The following ZNF385B variants were observed in gnomAD, a reference collection of about 807,000 sequenced individuals.
The protein encoded by ZNF385B is zinc finger protein 385B.
Under a neutral mutation model 39.2 loss-of-function variants are expected in ZNF385B, and 23 were observed. The ratio of observed to expected loss-of-function variants is 0.59; its 90% confidence interval spans 0.42 to 0.83. ZNF385B has a LOEUF of 0.83. Ranked by LOEUF, ZNF385B falls within the 40% of genes least tolerant of loss-of-function variation. The pLI, the probability that ZNF385B is intolerant of heterozygous loss-of-function variation, is 0.00. For missense variants in ZNF385B, 552 were observed against 598.9 expected, an observed-to-expected ratio of 0.92 and a Z score of 0.82; for synonymous variants, 205 against 222.6, an observed-to-expected ratio of 0.92 and a Z score of 0.70.
intron 1 of ZNF385B, among the ~76,000 whole-genome samples, chr2:179,784,311 T>C (rs934653503): frequency 2.0e-5 from 3 of 151,996 alleles, no homozygotes; most frequent in African/African-American, 7.2e-5. Flanking sequence ...CACTCGGGTC[T>C]ACTTTAGGGG....
Position 179,564,903 on chromosome 2 carries a change from T to C in ZNF385B, c.299-19934A>G, listed in dbSNP as rs1312187724. On this transcript the variant is annotated intron_variant, in intron 3 of 9. Coordinates refer to ENST00000410066, the MANE Select transcript of ZNF385B (RefSeq NM_152520.6). ...CCCTCACCTCACTCCCTAAAGGATA[T>C]TTCTTCTCTGCTGGTCTTTACTTCC... Among the ~76,000 whole-genome samples the C allele has an allele frequency of 6.6e-5, 10 of 152,150 alleles. 1 individual carries two copies. In the South Asian group the frequency reaches 1.9e-3, roughly 28 times the overall value.
At chr2:179,634,007 G>C (rs1691488165) in intron 3 of ZNF385B, among the ~76,000 whole-genome samples, 1 of 152,194 alleles carries the variant, frequency 6.6e-6, no homozygotes, top group African/African-American at 2.4e-5. Context: ...CTAGCCATAT[G>C]TAGAAAGCTG....
At chr2:179,623,365 T>C (rs908192746) in intron 3 of ZNF385B, among the ~76,000 whole-genome samples, 1 of 152,106 alleles carries the variant, frequency 6.6e-6, no homozygotes, top group Non-Finnish European at 1.5e-5. Flanking sequence ...CAAACTACAC[T>C]TCTCACTATG....
chr2:179,530,819 T>C (rs2059207225), intron 4 of ZNF385B, among the ~76,000 whole-genome samples: 1 of 152,238 alleles, frequency 6.6e-6, no homozygotes, highest in Non-Finnish European at 1.5e-5. Flanking sequence ...TGAGCACTAG[T>C]AAAGCTCTAG....
At chr2:179,639,211 A>G (rs1206686332) in intron 3 of ZNF385B, among the ~76,000 whole-genome samples, 1 of 123,514 alleles carries the variant, frequency 8.1e-6, no homozygotes, top group Non-Finnish European at 1.6e-5. Context: ...CTGGGGACAG[A>G]GTGAGATCCT....
intron 4 of ZNF385B, among the ~76,000 whole-genome samples, chr2:179,537,461 C>T (rs1020920082): frequency 2.6e-5 from 4 of 151,656 alleles, no homozygotes; most frequent in Admixed American, 6.6e-5. Flanking sequence ...AGAAATGGGC[C>T]GGGCATGGTG....
chr2:179,496,019 C>A (rs1359307176), intron 5 of ZNF385B, among the ~76,000 whole-genome samples: 1 of 152,012 alleles, frequency 6.6e-6, no homozygotes, highest in Non-Finnish European at 1.5e-5. Flanking sequence ...AGGCACCAAT[C>A]CTAGAAAAAC....
At chr2:179,624,610 T>C (rs965785664) in intron 3 of ZNF385B, among the ~76,000 whole-genome samples, 15 of 152,204 alleles carry the variant, frequency 9.9e-5, no homozygotes, top group African/African-American at 3.6e-4. Context: ...AAAATACGAG[T>C]AAAAAATTAT....
chr2:179,769,779 C>T lies in ZNF385B; in HGVS notation c.22G>A (p.Asp8Asn). MRYSLSPDNHLEDGIMNM... is the reference protein window; with the variant it reads MRYSLSPNNHLEDGIMNM... Reference sequence around the variant, plus strand: ...ATGATTCCATCTTCAAGATGGTTGTCAGGGCTTAAGGAGTACCTCATGCCT... The same window carrying T: ...ATGATTCCATCTTCAAGATGGTTGTTAGGGCTTAAGGAGTACCTCATGCCT... Residue 8 changes from aspartate (D) to asparagine (N), a missense_variant, in exon 3 of 10, where the codon GAC (aspartate) becomes AAC (asparagine). Transcript: ENST00000410066. 6.2e-7 allele frequency: 1 copy of T among 1,613,122 alleles called. No homozygotes were observed. Among genetic ancestry groups the T allele is most frequent in the Non-Finnish European group, 8.5e-7 (1 of 1,179,514 alleles).
intron 3 of ZNF385B, among the ~76,000 whole-genome samples, chr2:179,653,306 A>G (rs1693387401): frequency 6.6e-6 from 1 of 152,196 alleles, no homozygotes; most frequent in Non-Finnish European, 1.5e-5. Flanking sequence ...GCTGCACAGA[A>G]GAAGAGAGAA....
intron 1 of ZNF385B, among the ~76,000 whole-genome samples, chr2:179,776,885 T>C (rs924831553): frequency 3.3e-5 from 5 of 152,158 alleles, no homozygotes; most frequent in Non-Finnish European, 7.4e-5. Flanking sequence ...GGCTGGGACA[T>C]TTATGTTACC....
intron 5 of ZNF385B, among the ~76,000 whole-genome samples, chr2:179,495,613 C>G (rs150565480): frequency 6.6e-6 from 1 of 152,168 alleles, no homozygotes; most frequent in Non-Finnish European, 1.5e-5. Context: ...AGTGGCCACA[C>G]GGGTGCTTGT....
intron 4 of ZNF385B, among the ~76,000 whole-genome samples, chr2:179,526,229 A>G (rs2058884649): frequency 1.0e-5 from 1 of 95,300 alleles, no homozygotes; most frequent in Non-Finnish European, 2.8e-5. Flanking sequence ...GGGTTTCACC[A>G]TGTTGCCCAG....
chr2:179,468,863 C>CCTAA (rs5836681), intron 6 of ZNF385B, among the ~76,000 whole-genome samples: 120,770 of 151,614 alleles, frequency 0.8, 48,267 homozygotes, highest in East Asian at 0.94. Context: ...TCTTTATGGA[C>CCTAA]CTACGTACTT....
intron 3 of ZNF385B, among the ~76,000 whole-genome samples, chr2:179,671,397 G>A (rs1695979774): frequency 6.6e-6 from 1 of 152,128 alleles, no homozygotes; most frequent in Non-Finnish European, 1.5e-5. Context: ...ATTAATAAAA[G>A]GGAAGCAGAA....
At chr2:179,653,422 G>A (rs1693402961) in intron 3 of ZNF385B, among the ~76,000 whole-genome samples, 1 of 152,250 alleles carries the variant, frequency 6.6e-6, no homozygotes, top group African/African-American at 2.4e-5. Context: ...TCCAGTTTCA[G>A]CTCTTAATAA....
chr2:179,743,336 G>C (rs1035234997), intron 3 of ZNF385B, among the ~76,000 whole-genome samples: 2 of 151,926 alleles, frequency 1.3e-5, no homozygotes, highest in Admixed American at 6.6e-5. Flanking sequence ...TTCACATTTT[G>C]CTTCATCTAA....
At chr2:179,763,803 T>C (rs555106135) in intron 3 of ZNF385B, among the ~76,000 whole-genome samples, 1 of 152,328 alleles carries the variant, frequency 6.6e-6, no homozygotes, top group African/African-American at 2.4e-5. Context: ...TAATTTCTAC[T>C]TGATTTCATT....
intron 3 of ZNF385B, among the ~76,000 whole-genome samples, chr2:179,589,735 T>C (rs1687394375): frequency 6.6e-6 from 1 of 152,160 alleles, no homozygotes; most frequent in African/African-American, 2.4e-5. Flanking sequence ...AAAATGTCAA[T>C]GAGACACCAT....
Sources: allele counts gnomAD v4.1 joint callset (sites outside exome capture counted in the v4.1 genomes callset), GRCh38; gene constraint gnomAD v4.1.1; transcripts MANE v1.5; gene names NCBI Gene and HGNC (gene_info 2026-07-23, HGNC 2026-07-21).